The following TTC28 variants were observed in gnomAD, a reference collection of about 807,000 sequenced individuals.
TTC28 encodes tetratricopeptide repeat protein 28.
In TTC28, 61 loss-of-function variants were observed where a neutral mutation model predicts 198.0. The ratio of observed to expected loss-of-function variants is 0.31; its 90% CI spans 0.25 to 0.38. The LOEUF is 0.38. Among genes scored for constraint, TTC28 ranks in the 10% least tolerant of loss-of-function variants. TTC28 has a pLI of 1.00. For synonymous variants in TTC28, 1,171 were observed against 1,297.8 expected, an observed-to-expected ratio of 0.90 and a Z score of 2.10; for missense variants, 2,678 against 3,164.0, an observed-to-expected ratio of 0.85 and a Z score of 3.69.
intron 13 of TTC28, among the ~76,000 whole-genome samples, chr22:28,027,186 CACTT>C: frequency 6.6e-6 from 1 of 152,332 alleles, no homozygotes. Flanking sequence ...CACACACAGA[CACTT>C]ACATGCATGT....
chr22:28,509,099 G>A (rs769037093), intron 2 of TTC28, among the ~76,000 whole-genome samples: 1 of 151,802 alleles, frequency 6.6e-6, no homozygotes, highest in Admixed American at 6.6e-5. Context: ...GCTGAGGCAG[G>A]AGAATTGCTT....
chr22:28,141,178 G>A (rs1652971659), intron 6 of TTC28, among the ~76,000 whole-genome samples: 1 of 152,106 alleles, frequency 6.6e-6, no homozygotes, highest in South Asian at 2.1e-4. Flanking sequence ...CCTCCTTACA[G>A]AGGCCTTCCT....
chr22:28,610,648 C>A (rs755823676), intron 2 of TTC28, among the ~76,000 whole-genome samples: 2 of 152,128 alleles, frequency 1.3e-5, no homozygotes, highest in South Asian at 2.1e-4. Context: ...ATTCCAAAAA[C>A]CAGAACGCCT....
At chr22:28,274,877 G>A (rs1932311268) in intron 5 of TTC28, among the ~76,000 whole-genome samples, 1 of 151,110 alleles carries the variant, frequency 6.6e-6, no homozygotes, top group Non-Finnish European at 1.5e-5. Context: ...TACTCAAGAG[G>A]CTGAGGCATA....
In TTC28 at chr22:28,491,353, C is replaced by T. The variant is rs558985925; in HGVS notation, c.381+138199G>A. Among the ~76,000 whole-genome samples the T allele has an allele frequency of 4.5e-4, 69 of 152,280 alleles. No homozygotes were observed. The South Asian group carries it at 0.014, about 31-fold the overall frequency. On this transcript the variant is annotated intron_variant, in intron 2 of 22. Transcript: ENST00000397906. ...CAGAATGGGAGAAAATTTTTGCAAT[C>T]TACTTATCTGACAAAGGGCTAATAT...
Position 28,032,186 on chromosome 22 carries a change from AT to A in TTC28, c.3933-1821del, listed in dbSNP as rs1569094686. ...AGTGTGTGTATATATATATATATAT[AT>A]AAAATATATATATATAAAATATATA... is the stretch of plus-strand genomic sequence containing the variant. On this transcript the variant is annotated intron_variant, in intron 12 of 22. Transcript: ENST00000397906. Among the ~76,000 whole-genome samples the A allele has an allele frequency of 5.9e-4, 43 of 73,046 alleles. 2 individuals carry two copies. Among genetic ancestry groups the A allele is most frequent in the Admixed American group, 3.5e-3 (19 of 5,412 alleles). The allele number at this position is 73,046 out of a possible 152,430, so 47.9% of individuals were successfully genotyped here.
At chr22:28,300,575 T>C (rs2044998755) in intron 3 of TTC28, among the ~76,000 whole-genome samples, 1 of 151,942 alleles carries the variant, frequency 6.6e-6, no homozygotes, top group African/African-American at 2.4e-5. Context: ...AAAAGATAAA[T>C]TATAATGCAA....
chr22:28,091,287 C>T (rs1941805885), intron 12 of TTC28, among the ~76,000 whole-genome samples: 1 of 152,164 alleles, frequency 6.6e-6, no homozygotes, highest in Non-Finnish European at 1.5e-5. Flanking sequence ...AGAGTGAGAC[C>T]AAGGGTAATC....
chr22:28,177,962 A>T (rs933794617), intron 5 of TTC28, among the ~76,000 whole-genome samples: 10 of 152,176 alleles, frequency 6.6e-5, no homozygotes, highest in African/African-American at 2.4e-4. Context: ...AGAACTGTAC[A>T]ATACAAAGAG....
intron 5 of TTC28, among the ~76,000 whole-genome samples, chr22:28,170,287 A>G (rs927707689): frequency 6.6e-6 from 1 of 152,030 alleles, no homozygotes; most frequent in South Asian, 2.1e-4. Flanking sequence ...GGAGGTCGAG[A>G]CCATCCTGGC....
chr22:28,124,553 T>C (rs1296344521), intron 6 of TTC28, among the ~76,000 whole-genome samples: 2 of 152,208 alleles, frequency 1.3e-5, no homozygotes, highest in Non-Finnish European at 2.9e-5. Context: ...TCAGAGATGC[T>C]ACAGAACTTG....
chr22:28,140,729 C>T (rs114874977), intron 6 of TTC28, among the ~76,000 whole-genome samples: 1,739 of 152,230 alleles, frequency 0.011, 31 homozygotes, highest in African/African-American at 0.04. Flanking sequence ...AAATGTGTAA[C>T]TAAATATAAT....
At chr22:28,369,284 C>T (rs954776022) in intron 2 of TTC28, among the ~76,000 whole-genome samples, 5 of 152,074 alleles carry the variant, frequency 3.3e-5, no homozygotes, top group African/African-American at 1.2e-4. Context: ...CATGCATCTA[C>T]AATAAACTCA....
At chr22:28,402,030 G>A (rs560402967) in intron 2 of TTC28, among the ~76,000 whole-genome samples, 1 of 152,262 alleles carries the variant, frequency 6.6e-6, no homozygotes, top group Non-Finnish European at 1.5e-5. Context: ...CAAATTTAAA[G>A]TCTGACTTCA....
chr22:28,357,354 A>G (rs2145949488), intron 2 of TTC28, among the ~76,000 whole-genome samples: 1 of 130,798 alleles, frequency 7.6e-6, no homozygotes, highest in African/African-American at 3.0e-5. Flanking sequence ...AGCCTCTGTC[A>G]GCAAGGGGTG....
chr22:28,514,212 A>G (rs995036215), intron 2 of TTC28, among the ~76,000 whole-genome samples: 1 of 152,344 alleles, frequency 6.6e-6, no homozygotes, highest in South Asian at 2.1e-4. Context: ...GTAGCATTAG[A>G]GCATGTCTTA....
chr22:28,188,270 G>A (rs1278244674), intron 5 of TTC28, among the ~76,000 whole-genome samples: 1 of 152,084 alleles, frequency 6.6e-6, no homozygotes, highest in Non-Finnish European at 1.5e-5. Context: ...GTAGATGAAA[G>A]ATATCCACAA....
At chr22:28,418,435 A>G (rs1347524226) in intron 2 of TTC28, among the ~76,000 whole-genome samples, 1 of 152,234 alleles carries the variant, frequency 6.6e-6, no homozygotes, top group African/African-American at 2.4e-5. Context: ...AATACATGCT[A>G]CAAAAAACGC....
intron 5 of TTC28, among the ~76,000 whole-genome samples, chr22:28,270,142 G>T (rs1931959578): frequency 6.6e-6 from 1 of 152,064 alleles, no homozygotes; most frequent in African/African-American, 2.4e-5. Context: ...ATGTTTTAAG[G>T]AGACATAAAA....
Sources: gnomAD v4.1 joint callset for allele counts (sites outside exome capture counted in the v4.1 genomes callset) on GRCh38, gnomAD v4.1.1 for gene constraint, MANE v1.5 for transcripts, NCBI Gene and HGNC (gene_info 2026-07-23, HGNC 2026-07-21) for gene names.